The following CHCHD6 variants were observed in gnomAD, a reference collection of about 807,000 sequenced individuals.
CHCHD6 encodes MICOS complex subunit MIC25.
Under a neutral mutation model 32.3 loss-of-function variants are expected in CHCHD6, and 28 were observed. That is an observed-to-expected ratio of 0.87 (90% confidence interval 0.64 to 1.19). CHCHD6 has a LOEUF of 1.19. Ranked by LOEUF, CHCHD6 falls within the 50% of genes most tolerant of loss-of-function variation. The pLI is 0.00. For missense variants in CHCHD6, 333 were observed against 307.0 expected, an observed-to-expected ratio of 1.08 and a Z score of -0.63; for synonymous variants, 122 against 117.5, an observed-to-expected ratio of 1.04 and a Z score of -0.25.
chr3:126,959,097 G>A (rs1559944381), intron 7 of CHCHD6, among the ~76,000 whole-genome samples: 1 of 152,184 alleles, frequency 6.6e-6, no homozygotes. Context: ...CCACCCCTAA[G>A]AGTATTTCTT....
intron 6 of CHCHD6, among the ~76,000 whole-genome samples, chr3:126,941,275 T>C (rs1375334804): frequency 6.6e-6 from 1 of 152,242 alleles, no homozygotes; most frequent in Non-Finnish European, 1.5e-5. Context: ...CTTTGTCCCA[T>C]TAGCACTGAT....
chr3:126,773,512 T>G (rs1451589027), intron 4 of CHCHD6, among the ~76,000 whole-genome samples: 6 of 152,138 alleles, frequency 3.9e-5, no homozygotes, highest in Non-Finnish European at 1.5e-5. Context: ...CAAGTGGCCT[T>G]TTTCTTTATT....
At position 126,748,315 on chromosome 3, in the gene CHCHD6, C is replaced by T. The variant is rs1936587230; in HGVS notation, c.411+15093C>T. On this transcript the variant is annotated intron_variant, in intron 4 of 7. Coordinates refer to ENST00000290913, the MANE Select transcript of CHCHD6 (RefSeq NM_032343.3). ...TGATCTCAGAAATTACCATGATTGG[C>T]TGGGTGCAGTGGCTCACGCCTGTAA... Among the ~76,000 whole-genome samples the T allele has an allele frequency of 7.9e-5, 12 of 152,172 alleles. No homozygotes were observed. In the South Asian group the frequency reaches 2.5e-3, roughly 31 times the overall value.
chr3:126,865,633 C>T (rs1942264863), intron 5 of CHCHD6: 3 of 985,278 alleles, frequency 3.0e-6, no homozygotes, highest in South Asian at 9.4e-5. Flanking sequence ...ATTGCTGCTG[C>T]CCCCTCTCCC....
intron 5 of CHCHD6, among the ~76,000 whole-genome samples, chr3:126,910,594 TATAC>T (rs1294653057): frequency 1.3e-5 from 2 of 152,248 alleles, no homozygotes; most frequent in African/African-American, 4.8e-5. Flanking sequence ...GAATTTGACT[TATAC>T]AGTGTTCCCT....
At chr3:126,784,057 G>A (rs1379330675) in intron 4 of CHCHD6, among the ~76,000 whole-genome samples, 2 of 152,064 alleles carry the variant, frequency 1.3e-5, no homozygotes, top group Non-Finnish European at 1.5e-5. Flanking sequence ...ACTATGTCTT[G>A]TACATGGAGA....
chr3:126,791,261 T>G (rs1938525850), intron 4 of CHCHD6, among the ~76,000 whole-genome samples: 1 of 152,180 alleles, frequency 6.6e-6, no homozygotes, highest in South Asian at 2.1e-4. Context: ...GTTAGGCTCC[T>G]TGGCGGTCAG....
intron 6 of CHCHD6, among the ~76,000 whole-genome samples, chr3:126,953,556 T>G (rs1475036124): frequency 6.6e-6 from 1 of 152,214 alleles, no homozygotes; most frequent in Non-Finnish European, 1.5e-5. Context: ...GATGGCTAGG[T>G]TGCTATGAGA....
intron 1 of CHCHD6, among the ~76,000 whole-genome samples, chr3:126,721,854 CT>C (rs1237375316): frequency 1.3e-5 from 2 of 152,112 alleles, no homozygotes; most frequent in African/African-American, 4.8e-5. Context: ...ACAGTGTGGC[CT>C]TTTGGGTCTG....
intron 4 of CHCHD6, among the ~76,000 whole-genome samples, chr3:126,751,224 A>G (rs1936708783): frequency 6.6e-6 from 1 of 151,372 alleles, no homozygotes. Context: ...ATTTGCCACC[A>G]TGTGTGGTAG....
intron 4 of CHCHD6, among the ~76,000 whole-genome samples, chr3:126,786,961 T>C (rs1184886020): frequency 6.6e-6 from 1 of 152,152 alleles, no homozygotes; most frequent in East Asian, 1.9e-4. Flanking sequence ...GTTTTAGGTC[T>C]AACATTTAAG....
rs112900500 is a variant in CHCHD6, at chr3:126,900,784, A to G, written c.496-13896A>G. Among the ~76,000 whole-genome samples, 529 of 152,018 alleles carry G rather than the reference A, an allele frequency of 3.5e-3. 1 individual carries two copies. Among genetic ancestry groups the G allele is most frequent in the African/African-American group, 0.012 (499 of 41,466 alleles). ...CACGCCTGGCTGATTTTGTATTTTT[A>G]GTGGAAACGGGGTTTCTCCATGTTG... On this transcript the variant is annotated intron_variant, in intron 5 of 7. Transcript: ENST00000290913.
chr3:126,889,833 T>C (rs960192266), intron 5 of CHCHD6, among the ~76,000 whole-genome samples: 4 of 152,240 alleles, frequency 2.6e-5, no homozygotes, highest in African/African-American at 9.6e-5. Flanking sequence ...GCCTGGTGCC[T>C]GGTCTGCAGT....
At chr3:126,769,499 C>T (rs1171074288) in intron 4 of CHCHD6, among the ~76,000 whole-genome samples, 2 of 152,000 alleles carry the variant, frequency 1.3e-5, no homozygotes, top group East Asian at 1.9e-4. Flanking sequence ...GCTATTTGGG[C>T]TCTTTTTTTC....
intron 4 of CHCHD6, among the ~76,000 whole-genome samples, chr3:126,798,777 C>T (rs190301333): frequency 3.1e-4 from 47 of 152,292 alleles, no homozygotes; most frequent in Middle Eastern, 6.8e-3. Context: ...GGTTGAATTT[C>T]GCAGGAATTG....
intron 1 of CHCHD6, among the ~76,000 whole-genome samples, chr3:126,706,405 A>G (rs1486798328): frequency 6.6e-6 from 1 of 152,120 alleles, no homozygotes; most frequent in African/African-American, 2.4e-5. Context: ...TTCGGTGCAA[A>G]AAGCAACTTT....
At position 126,906,285 on chromosome 3, in the gene CHCHD6, C is replaced by T. The variant is rs139259570; in HGVS notation, c.496-8395C>T. On this transcript the variant is annotated intron_variant, in intron 5 of 7. Transcript: ENST00000290913. ...CTGGGCCACTGCAGCATCCTCCAGG[C>T]CTCCAGGCCTCCAGGCTGATGGCCA... Among the ~76,000 whole-genome samples, 476 of 152,036 alleles carry T rather than the reference C, an allele frequency of 3.1e-3. 3 individuals carry two copies. The highest frequency in any genetic ancestry group is 5.3e-3 in the Non-Finnish European group (363 of 67,974).
chr3:126,740,778 C>T (rs1020226535), intron 4 of CHCHD6, among the ~76,000 whole-genome samples: 1 of 152,146 alleles, frequency 6.6e-6, no homozygotes, highest in Non-Finnish European at 1.5e-5. Context: ...CTTAACCTGG[C>T]CTTGGTGGTT....
intron 4 of CHCHD6, among the ~76,000 whole-genome samples, chr3:126,785,377 C>T (rs377257401): frequency 6.6e-5 from 10 of 152,330 alleles, no homozygotes; most frequent in African/African-American, 2.4e-4. Context: ...TCTATTACTG[C>T]TGTAACAGAT....
Sources: allele counts gnomAD v4.1 joint callset (sites outside exome capture counted in the v4.1 genomes callset), GRCh38; gene constraint gnomAD v4.1.1; transcripts MANE v1.5; gene names NCBI Gene and HGNC (gene_info 2026-07-23, HGNC 2026-07-21).